KIAA0040: variants seen among roughly 807,000 people sequenced by gnomAD.
KIAA0040 encodes uncharacterized protein KIAA0040.
Under a neutral mutation model 7.2 loss-of-function variants are expected in KIAA0040, and 10 were observed. The ratio of observed to expected loss-of-function variants is 1.38; its 90% CI spans 0.85 to 2.34. KIAA0040 has a LOEUF of 2.34. Ranked by LOEUF, KIAA0040 falls within the 30% of genes most tolerant of loss-of-function variation. The pLI, the probability that KIAA0040 is intolerant of heterozygous loss-of-function variation, is 0.00. For missense variants in KIAA0040, 89 were observed against 108.2 expected (o/e 0.82, Z 0.79); for synonymous variants, 49 against 40.1 (o/e 1.22, Z -0.84).
upstream of KIAA0040, chr1:175,192,817 GCCCGC>G (rs61359813): frequency 2.5e-3 from 308 of 123,532 alleles, 1 homozygote; most frequent in Middle Eastern, 4.3e-3. Flanking sequence ...CGTGGGAGCC[GCCCGC>G]CCCGCCCCGC....
intron 2 of KIAA0040, among the ~76,000 whole-genome samples, chr1:175,172,146 G>T (rs1235555845): frequency 1.3e-5 from 2 of 151,550 alleles, no homozygotes; most frequent in African/African-American, 4.9e-5. Flanking sequence ...TCTCCAGAGG[G>T]TCCAGACTAT....
In KIAA0040 at chr1:175,160,628, C is replaced by A. The variant is rs368567338; in HGVS notation, c.*86G>T. On this transcript the variant is annotated 3_prime_UTR_variant, in exon 4 of 4. Transcript: ENST00000423313. ...TTACTCTGTGGACATGGACATAGTG[C>A]ATTATTTCAGGGGTTCCTGAAATGT... 7.3e-6 allele frequency: 9 copies of A among 1,237,204 alleles called. No homozygotes were observed. The highest frequency in any genetic ancestry group is 9.9e-6 in the Non-Finnish European group (9 of 908,462). 76.6% of individuals were successfully genotyped at this position (1,237,204 alleles called of 1,614,324 possible).
At chr1:175,176,400 C>T (rs1018981713) in intron 2 of KIAA0040, 1 of 152,130 alleles carries the variant, frequency 6.6e-6, no homozygotes, top group African/African-American at 2.4e-5. Context: ...AATAACTCAC[C>T]TCTGTGGAAT....
chr1:175,190,393 A>C (rs192905188), intron 1 of KIAA0040, among the ~76,000 whole-genome samples: 1 of 152,234 alleles, frequency 6.6e-6, no homozygotes. Flanking sequence ...ACCTCCACCT[A>C]TGTTCCAGAC....
rs575563501 is a variant in KIAA0040 at position 175,163,057 on chromosome 1, C to T, written c.-133-1911G>A. 6.2e-4 allele frequency among the ~76,000 whole-genome samples: 94 copies of T among 152,298 alleles called. 1 individual carries two copies. The highest frequency in any genetic ancestry group is 2.3e-3 in the South Asian group (11 of 4,830). Reference sequence around the variant, plus strand: ...TGAAGAGATGGAGGCTCAGGCCACACGGTGAGTGAGTGCCAGAGCCGGTCT... The same window carrying T: ...TGAAGAGATGGAGGCTCAGGCCACATGGTGAGTGAGTGCCAGAGCCGGTCT... On this transcript the variant is annotated intron_variant, in intron 3 of 3. Coordinates refer to ENST00000423313, the MANE Select transcript of KIAA0040 (RefSeq NM_014656.3).
chr1:175,180,503 G>A (rs1422759329), intron 1 of KIAA0040, among the ~76,000 whole-genome samples: 3 of 152,220 alleles, frequency 2.0e-5, no homozygotes, highest in Non-Finnish European at 2.9e-5. Context: ...CAGCTGGAAA[G>A]AGATATCCAG....
At position 175,158,891 on chromosome 1, in the gene KIAA0040, C is replaced by T. The variant is rs1022311237; in HGVS notation, c.*1823G>A. ...GCAAGGGTCACCACTAAATGCCCAC[C>T]CTCCACAGGCCTAAAGTACACCTGG... On this transcript the variant is annotated 3_prime_UTR_variant, in exon 4 of 4. Coordinates refer to ENST00000423313, the MANE Select transcript of KIAA0040 (RefSeq NM_014656.3). 1 of 152,124 alleles carries T rather than the reference C, an allele frequency of 6.6e-6. No individual in the cohort carries two copies. Among genetic ancestry groups the T allele is most frequent in the Admixed American group, 6.5e-5 (1 of 15,274 alleles). 9.4% of individuals were successfully genotyped at this position (152,124 alleles called of 1,614,324 possible).
chr1:175,182,208 T>C (rs533310720), intron 1 of KIAA0040, among the ~76,000 whole-genome samples: 2 of 152,316 alleles, frequency 1.3e-5, no homozygotes, highest in East Asian at 3.9e-4. Context: ...TTCAAATTGT[T>C]TTCACATTTG....
At chr1:175,187,712 C>G (rs1677715987) in intron 1 of KIAA0040, among the ~76,000 whole-genome samples, 1 of 149,294 alleles carries the variant, frequency 6.7e-6, no homozygotes, top group Admixed American at 7.0e-5. Flanking sequence ...CGGCCTTTTT[C>G]CCTTCCCCTG....
chr1:175,182,818 G>T (rs1677490434), intron 1 of KIAA0040, among the ~76,000 whole-genome samples: 1 of 152,224 alleles, frequency 6.6e-6, no homozygotes, highest in Non-Finnish European at 1.5e-5. Context: ...GTGTGATGTG[G>T]GTGAAACAGT....
chr1:175,158,924 G>A lies in KIAA0040; in HGVS notation c.*1790C>T, dbSNP rs999729924. On this transcript the variant is annotated 3_prime_UTR_variant, in exon 4 of 4. Transcript: ENST00000423313. Reference sequence around the variant, plus strand: ...GGCCTAAAGTACACCTGGAGGGCAGGTGAGTACCAAGCAGCCCAAGTGAGC... The same window carrying A: ...GGCCTAAAGTACACCTGGAGGGCAGATGAGTACCAAGCAGCCCAAGTGAGC... 1 of 152,208 alleles carries A rather than the reference G, an allele frequency of 6.6e-6. No individual in the cohort carries two copies. Among genetic ancestry groups the A allele is most frequent in the Non-Finnish European group, 1.5e-5 (1 of 68,038 alleles). The allele number at this position is 152,208 out of a possible 1,614,324, so 9.4% of individuals were successfully genotyped here.
At chr1:175,162,995 T>G (rs1335901038) in intron 3 of KIAA0040, among the ~76,000 whole-genome samples, 1 of 152,216 alleles carries the variant, frequency 6.6e-6, no homozygotes, top group African/African-American at 2.4e-5. Flanking sequence ...CATGACACCC[T>G]TATGAAGTAG....
chr1:175,189,358 C>G (rs138525844), intron 1 of KIAA0040, among the ~76,000 whole-genome samples: 1 of 152,166 alleles, frequency 6.6e-6, no homozygotes, highest in Non-Finnish European at 1.5e-5. Flanking sequence ...AAAAGCATCC[C>G]CTCCATGTGG....
rs147355285 is a variant in KIAA0040, at chr1:175,180,769, T to A, written c.-383-3085A>T. 2.8e-4 allele frequency among the ~76,000 whole-genome samples: 42 copies of A among 152,328 alleles called. No individual in the cohort carries two copies. The East Asian group carries it at 6.9e-3, about 25-fold the overall frequency. On this transcript the variant is annotated intron_variant, in intron 1 of 3. Coordinates refer to ENST00000423313, the MANE Select transcript of KIAA0040 (RefSeq NM_014656.3). ...TTTTCATGGGGTGCCATGTTGAATA[T>A]CAAGATTACATCACTTGGAAGTGAG...
chr1:175,163,844 C>T (rs1261093153), intron 3 of KIAA0040, among the ~76,000 whole-genome samples: 4 of 152,184 alleles, frequency 2.6e-5, no homozygotes, highest in Non-Finnish European at 5.9e-5. Flanking sequence ...GTAACAGGGG[C>T]CCCTCTGGGT....
chr1:175,163,241 C>G (rs888869459), intron 3 of KIAA0040, among the ~76,000 whole-genome samples: 1 of 152,242 alleles, frequency 6.6e-6, no homozygotes, highest in Non-Finnish European at 1.5e-5. Flanking sequence ...CCCAGATTAA[C>G]TTAAATGCTT....
rs1676489585 is a variant in KIAA0040, at chr1:175,160,618, G to A, written c.*96C>T. ...GGTTGAGTAGTTACTCTGTGGACAT[G>A]GACATAGTGCATTATTTCAGGGGTT... On this transcript the variant is annotated 3_prime_UTR_variant, in exon 4 of 4. Coordinates refer to ENST00000423313, the MANE Select transcript of KIAA0040 (RefSeq NM_014656.3). 6.8e-6 allele frequency: 8 copies of A among 1,176,828 alleles called. No homozygotes were observed. Among genetic ancestry groups the A allele is most frequent in the African/African-American group, 1.6e-5 (1 of 64,342 alleles). The allele number at this position is 1,176,828 out of a possible 1,614,324, so 72.9% of individuals were successfully genotyped here.
At chr1:175,163,591 C>T (rs1676633284) in intron 3 of KIAA0040, among the ~76,000 whole-genome samples, 1 of 152,244 alleles carries the variant, frequency 6.6e-6, no homozygotes, top group African/African-American at 2.4e-5. Flanking sequence ...TCAGGCCACT[C>T]ATCTCTCTTC....
chr1:175,172,060 A>C (rs1677014051), intron 2 of KIAA0040, among the ~76,000 whole-genome samples: 1 of 152,176 alleles, frequency 6.6e-6, no homozygotes, highest in Admixed American at 6.5e-5. Context: ...TGGAATCTCC[A>C]GTTCCTTTAT....
Sources: gnomAD v4.1 joint callset for allele counts (sites outside exome capture counted in the v4.1 genomes callset) on GRCh38, gnomAD v4.1.1 for gene constraint, MANE v1.5 for transcripts, NCBI Gene and HGNC (gene_info 2026-07-23, HGNC 2026-07-21) for gene names.